The following ADSL variants were observed in gnomAD, a reference collection of about 807,000 sequenced individuals.
The protein encoded by ADSL is adenylosuccinate lyase.
Under a neutral mutation model 62.1 loss-of-function variants are expected in ADSL, and 44 were observed. The observed-to-expected ratio is 0.71, with a 90% CI of 0.56 to 0.91. The LOEUF (loss-of-function observed/expected upper bound fraction) is 0.91. ADSL is among the 40% of genes least tolerant of loss of function. The pLI is 0.00. For synonymous variants in ADSL, 198 were observed against 220.5 expected, an observed-to-expected ratio of 0.90 and a Z score of 0.90; for missense variants, 531 against 627.4, an observed-to-expected ratio of 0.85 and a Z score of 1.64.
chr22:40,370,030 A>C (rs994237535), downstream of ADSL, among the ~76,000 whole-genome samples: 1 of 152,170 alleles, frequency 6.6e-6, no homozygotes, highest in Admixed American at 6.6e-5. Flanking sequence ...AATCTGACAC[A>C]GAAGGTACTC....
chr22:40,372,189 C>T (rs184162239), downstream of ADSL, among the ~76,000 whole-genome samples: 5 of 116,178 alleles, frequency 4.3e-5, no homozygotes, highest in African/African-American at 1.0e-4. Flanking sequence ...TGCAGTGGCG[C>T]GATCTCGGCT....
chr22:40,346,756 C>T (rs1245505346), intron 1 of ADSL, 45 bp downstream of exon 1: 1 of 1,550,174 alleles, frequency 6.5e-7, no homozygotes, highest in Non-Finnish European at 8.7e-7. Flanking sequence ...GGGACGGGCC[C>T]GCCCCAGCAC....
chr22:40,364,241 C>T, intron 10 of ADSL, 35 bp from the exon 11 acceptor site: 1 of 1,594,872 alleles, frequency 6.3e-7, no homozygotes. Context: ...CCTTGAGGCA[C>T]CTTTCTTGGT....
chr22:40,353,767 T>G lies in ADSL; in HGVS notation c.403-481T>G, dbSNP rs2044442469. On this transcript the variant is annotated intron_variant, in intron 3 of 12. Transcript: ENST00000623063. ...CAGCCTCCCGAACAGCTGGGACTAC[T>G]GGCACCCGCCACTACGCCCAGCTAT... is the stretch of plus-strand genomic sequence containing the variant. 10 of 265,170 alleles carry G rather than the reference T, an allele frequency of 3.8e-5. No homozygotes were observed. In the South Asian group the frequency reaches 4.2e-4, roughly 11 times the overall value. The allele number at this position is 265,170 out of a possible 1,614,324, so 16.4% of individuals were successfully genotyped here.
intron 4 of ADSL, among the ~76,000 whole-genome samples, chr22:40,355,231 G>A (rs530227999): frequency 2.6e-5 from 4 of 152,172 alleles, no homozygotes; most frequent in Admixed American, 6.5e-5. Context: ...CAACCTCTAC[G>A]TCCTGGGTTC....
At chr22:40,350,988 A>G (rs748600679) in intron 2 of ADSL, among the ~76,000 whole-genome samples, 1 of 151,242 alleles carries the variant, frequency 6.6e-6, no homozygotes, top group Non-Finnish European at 1.5e-5. Context: ...TCCTTCAAAG[A>G]CCCTGTCTCA....
intron 2 of ADSL, among the ~76,000 whole-genome samples, chr22:40,386,562 CTTTTT>C (rs60319316): frequency 6.9e-4 from 47 of 68,370 alleles, no homozygotes; most frequent in African/African-American, 1.7e-3. Context: ...AATTTTCTTA[CTTTTT>C]TTTTTTTTTT....
intron 6 of ADSL, 56 bp from the exon 7 acceptor site, chr22:40,360,346 C>T (rs1316075111): frequency 1.4e-6 from 2 of 1,448,432 alleles, no homozygotes; most frequent in Non-Finnish European, 1.9e-6. Context: ...CAGTCATGCA[C>T]CACTGCAATG....
chr22:40,353,051 A>G (rs1569090174), intron 2 of ADSL, 22 bp from the exon 3 acceptor site: 1 of 1,608,710 alleles, frequency 6.2e-7, no homozygotes, highest in Non-Finnish European at 8.5e-7. Context: ...TAAATATAAG[A>G]TCATTGCATT....
intron 2 of ADSL, among the ~76,000 whole-genome samples, chr22:40,351,334 C>G (rs2044339249): frequency 2.0e-5 from 3 of 152,154 alleles, no homozygotes; most frequent in African/African-American, 7.2e-5. Flanking sequence ...CCACGCCCAG[C>G]TAATTTTTTT....
intron 6 of ADSL, 22 bp from the exon 7 acceptor site, chr22:40,360,380 T>G: frequency 6.3e-7 from 1 of 1,592,786 alleles, no homozygotes; most frequent in Non-Finnish European, 8.6e-7. Flanking sequence ...TTAACCTAAG[T>G]CTCTCTTGTA....
Position 40,359,297 on chromosome 22 carries a change from G to A in ADSL, c.692G>A (p.Gly231Glu). Reference protein sequence around the residue: ...QLDKMVTEKAGFKRAFIITGQ... With the variant: ...QLDKMVTEKAEFKRAFIITGQ... ...GACAAGATGGTGACAGAAAAGGCAG[G>A]ATTTAAGAGGTAGGTAAATGGGAAT... The change falls in exon 6 of 13, where the codon GGA (glycine) becomes GAA (glutamate). Residue 231 changes from glycine to glutamate, a missense_variant. Around this residue, in one of 2 missense-constraint regions of ADSL, gnomAD observed 471 missense variants for 592.9 expected, o/e 0.79. Transcript: ENST00000623063. 6.2e-7 allele frequency: 1 copy of A among 1,614,098 alleles called. No individual in the cohort carries two copies. Among genetic ancestry groups the A allele is most frequent in the Non-Finnish European group, 8.5e-7 (1 of 1,179,990 alleles).
At position 40,368,361 on chromosome 22, in the gene ADSL, G is replaced by C. The variant is rs1331759287; in HGVS notation, c.*1839G>C. On this transcript the variant is annotated 3_prime_UTR_variant, in exon 13 of 13. Transcript: ENST00000623063. Reference sequence around the variant, plus strand: ...TTATTTAAAAGTAGCCAGGAAATCAGGTTGCGATGATGCGCATTTACAGTC... The same window carrying C: ...TTATTTAAAAGTAGCCAGGAAATCACGTTGCGATGATGCGCATTTACAGTC... 6.6e-6 allele frequency: 1 copy of C among 152,194 alleles called. No individual in the cohort carries two copies. The highest frequency in any genetic ancestry group is 2.4e-5 in the African/African-American group (1 of 41,444). The allele number at this position is 152,194 out of a possible 1,614,324, so 9.4% of individuals were successfully genotyped here. A position where few individuals can be genotyped will look rare whatever the true frequency, so the allele number is the denominator to read the frequency against.
At position 40,346,729 on chromosome 22, in the gene ADSL, G is replaced by GA; in HGVS notation, c.153+19dup. 1 of 1,591,756 alleles carries GA rather than the reference G, an allele frequency of 6.3e-7. No homozygotes were observed. Among genetic ancestry groups the GA allele is most frequent in the Non-Finnish European group, 8.5e-7 (1 of 1,173,000 alleles). Reference sequence around the variant, plus strand: ...CCGAGCAGGTAACGGATCCCGGGCTGAGGGGCTGGGCCGGGAGGGACGGGC... The same window carrying GA: ...CCGAGCAGGTAACGGATCCCGGGCTGAAGGGGCTGGGCCGGGAGGGACGGGC... On this transcript the variant is annotated intron_variant, in intron 1 of 12. Coordinates refer to ENST00000623063, the MANE Select transcript of ADSL (RefSeq NM_000026.4).
intron 1 of ADSL, among the ~76,000 whole-genome samples, chr22:40,346,942 AGGAGGCTG>A (rs2044166701): frequency 6.6e-6 from 1 of 152,226 alleles, no homozygotes; most frequent in African/African-American, 2.4e-5. Flanking sequence ...CGAGACGCGG[AGGAGGCTG>A]GGAGAAATTC....
intron 1 of ADSL, chr22:40,348,561 T>G (rs1209321452): frequency 7.5e-6 from 3 of 398,416 alleles, no homozygotes; most frequent in Non-Finnish European, 8.8e-6. Context: ...TTGTGTTGTT[T>G]TGTAGAGATG....
chr22:40,360,232 A>T (rs966732240), intron 6 of ADSL, among the ~76,000 whole-genome samples, 170 bp from the exon 7 acceptor site: 2 of 152,070 alleles, frequency 1.3e-5, no homozygotes, highest in Admixed American at 6.6e-5. Flanking sequence ...TCATGTTTTG[A>T]ATTATTATTA....
chr22:40,363,566 T>C (rs980268241), intron 10 of ADSL, among the ~76,000 whole-genome samples: 58 of 152,052 alleles, frequency 3.8e-4, no homozygotes, highest in African/African-American at 1.3e-3. Flanking sequence ...TAAAACCCTG[T>C]CTCTACTAAA....
At chr22:40,362,445 A>G (rs903571634) in intron 9 of ADSL, among the ~76,000 whole-genome samples, 1 of 152,214 alleles carries the variant, frequency 6.6e-6, no homozygotes, top group Non-Finnish European at 1.5e-5. Flanking sequence ...CCCTAGCAAC[A>G]GTTTGGAGAG....
Sources: gnomAD v4.1 joint callset for allele counts (sites outside exome capture counted in the v4.1 genomes callset) on GRCh38, gnomAD v4.1.1 for gene constraint, gnomAD v4.1.1 regional missense constraint, MANE v1.5 for transcripts, NCBI Gene and HGNC (gene_info 2026-07-23, HGNC 2026-07-21) for gene names.